MSRA: variants seen among roughly 807,000 people sequenced by gnomAD.
The protein encoded by MSRA is methionine sulfoxide reductase A.
A neutral mutation model predicts 31.3 loss-of-function variants in MSRA; 54 were observed. The ratio of observed to expected loss-of-function variants is 1.73; its 90% CI spans 1.39 to 2.17. The LOEUF is 2.17. MSRA is among the 30% of genes most tolerant of loss of function. The pLI is 0.00. For synonymous variants in MSRA, 169 were observed against 116.5 expected (o/e 1.45, Z -2.90); for missense variants, 507 against 300.9 (o/e 1.69, Z -5.07).
chr8:10,345,519 A>G (rs1370365526), intron 5 of MSRA, among the ~76,000 whole-genome samples: 1 of 152,194 alleles, frequency 6.6e-6, no homozygotes, highest in Non-Finnish European at 1.5e-5. Context: ...CTTCTGTTTC[A>G]TCTTCCACAC....
intron 1 of MSRA, among the ~76,000 whole-genome samples, chr8:10,107,303 T>A (rs1168339391): frequency 2.6e-5 from 4 of 152,056 alleles, no homozygotes; most frequent in African/African-American, 9.7e-5. Context: ...TATAGCACTC[T>A]GAAAAATAAA....
rs1003471193 is a variant in MSRA, at chr8:10,157,650, C to A, written c.143-50183C>A. ...CTCTAAAATAATAATAATAATAGTTCTTTAATATCAAATATGAGAGTCAGA... is the reference window on the plus strand; with the variant it reads ...CTCTAAAATAATAATAATAATAGTTATTTAATATCAAATATGAGAGTCAGA... On this transcript the variant is annotated intron_variant, in intron 1 of 5. Transcript: ENST00000317173. Among the ~76,000 whole-genome samples, 3 of 152,056 alleles carry A rather than the reference C, an allele frequency of 2.0e-5. No individual in the cohort carries two copies. In the South Asian group the frequency reaches 6.3e-4, roughly 32 times the overall value.
intron 3 of MSRA, among the ~76,000 whole-genome samples, chr8:10,285,270 C>T (rs1189285137): frequency 6.6e-6 from 1 of 152,164 alleles, no homozygotes; most frequent in African/African-American, 2.4e-5. Context: ...GTCTTGCCTG[C>T]ATTTAATTTG....
At chr8:10,391,247 T>A (rs1462115842) in intron 5 of MSRA, among the ~76,000 whole-genome samples, 2 of 152,210 alleles carry the variant, frequency 1.3e-5, no homozygotes, top group African/African-American at 2.4e-5. Context: ...AAAAGAGGTT[T>A]ATTTCTCATT....
intron 1 of MSRA, among the ~76,000 whole-genome samples, chr8:10,155,255 A>G (rs1439050577): frequency 1.3e-5 from 2 of 152,158 alleles, no homozygotes; most frequent in Non-Finnish European, 2.9e-5. Flanking sequence ...GAGAGAGTAA[A>G]TGAGCAACTA....
In MSRA at chr8:10,265,585, T is replaced by G. The variant is rs927206380; in HGVS notation, c.331+20362T>G. 1.1e-4 allele frequency among the ~76,000 whole-genome samples: 17 copies of G among 152,326 alleles called. No individual in the cohort carries two copies. The South Asian group carries it at 3.5e-3, about 32-fold the overall frequency. ...CTGGCCTTTTCACTTTTCAGAGTTC[T>G]TTTAGAAACAGTTGAATTGGGCTGT... is the stretch of plus-strand genomic sequence containing the variant. On this transcript the variant is annotated intron_variant, in intron 3 of 5. Coordinates refer to ENST00000317173, the MANE Select transcript of MSRA (RefSeq NM_012331.5).
At chr8:10,224,915 G>A (rs1313948948) in intron 2 of MSRA, among the ~76,000 whole-genome samples, 1 of 152,254 alleles carries the variant, frequency 6.6e-6, no homozygotes, top group South Asian at 2.1e-4. Context: ...ACTTTGGGAG[G>A]ATCACCTGAG....
chr8:10,084,617 C>G (rs533929479), intron 1 of MSRA, among the ~76,000 whole-genome samples: 38 of 152,144 alleles, frequency 2.5e-4, no homozygotes, highest in Admixed American at 2.4e-3. Context: ...TAGTTAAGGT[C>G]TCTGTGCCTT....
intron 3 of MSRA, among the ~76,000 whole-genome samples, chr8:10,278,061 G>A (rs2004677): frequency 6.6e-6 from 1 of 151,776 alleles, no homozygotes; most frequent in Non-Finnish European, 1.5e-5. Flanking sequence ...GTCGATGCTC[G>A]CTGTCTTGTT....
chr8:10,148,344 T>C (rs1310852770), intron 1 of MSRA, among the ~76,000 whole-genome samples: 2 of 151,802 alleles, frequency 1.3e-5, no homozygotes, highest in Non-Finnish European at 2.9e-5. Flanking sequence ...ATGTTGTTTT[T>C]AAAATTAGGA....
At chr8:10,186,370 T>C (rs916007727) in intron 1 of MSRA, among the ~76,000 whole-genome samples, 1 of 152,308 alleles carries the variant, frequency 6.6e-6, no homozygotes, top group Non-Finnish European at 1.5e-5. Flanking sequence ...ATGGACAGTA[T>C]ATAAATGAAT....
At chr8:10,266,089 A>G (rs774614538) in intron 3 of MSRA, among the ~76,000 whole-genome samples, 6 of 152,136 alleles carry the variant, frequency 3.9e-5, no homozygotes, top group Non-Finnish European at 5.9e-5. Context: ...GTGTCATTTC[A>G]TTTCTCTTAC....
At chr8:10,314,025 A>G (rs1288837646) in intron 4 of MSRA, among the ~76,000 whole-genome samples, 1 of 152,214 alleles carries the variant, frequency 6.6e-6, no homozygotes, top group Admixed American at 6.5e-5. Context: ...GATTGAATAC[A>G]TAAATGTCAA....
At chr8:10,214,774 A>G (rs935252777) in intron 2 of MSRA, among the ~76,000 whole-genome samples, 1 of 152,212 alleles carries the variant, frequency 6.6e-6, no homozygotes, top group Non-Finnish European at 1.5e-5. Flanking sequence ...TCCCTGGGTA[A>G]TTTGAAGCAA....
chr8:10,151,542 C>T (rs1034666045), intron 1 of MSRA, among the ~76,000 whole-genome samples: 4 of 151,956 alleles, frequency 2.6e-5, no homozygotes, highest in African/African-American at 7.3e-5. Context: ...CCCAGCTACT[C>T]GGGAGGCTGA....
chr8:10,331,718 A>C (rs1412997873), intron 5 of MSRA, among the ~76,000 whole-genome samples: 2 of 152,204 alleles, frequency 1.3e-5, no homozygotes, highest in Non-Finnish European at 2.9e-5. Flanking sequence ...AAATCTGATG[A>C]TGCTTAATCC....
At position 10,158,817 on chromosome 8, in the gene MSRA, T is replaced by G. The variant is rs560328255; in HGVS notation, c.143-49016T>G. Among the ~76,000 whole-genome samples, 20 of 152,378 alleles carry G rather than the reference T, an allele frequency of 1.3e-4. No individual in the cohort carries two copies. The South Asian group carries it at 3.5e-3, about 27-fold the overall frequency. ...TTTGAGGAACTTCCACACTGTTTTCTAAAGTAGGTGTGCTATTTTTCAGTC... is the reference window on the plus strand; with the variant it reads ...TTTGAGGAACTTCCACACTGTTTTCGAAAGTAGGTGTGCTATTTTTCAGTC... On this transcript the variant is annotated intron_variant, in intron 1 of 5. Transcript: ENST00000317173.
chr8:10,334,170 GTGTGTGTGTGTGTATTTA>G (rs1202309536), intron 5 of MSRA, among the ~76,000 whole-genome samples: 96 of 110,024 alleles, frequency 8.7e-4, no homozygotes, highest in Non-Finnish European at 1.5e-3. Flanking sequence ...ATAGGGGTGT[GTGTGTGTGTGTGTATTTA>G]TGTGTGTGTG....
intron 3 of MSRA, among the ~76,000 whole-genome samples, chr8:10,255,348 C>T (rs1798121463): frequency 6.6e-6 from 1 of 152,224 alleles, no homozygotes; most frequent in Non-Finnish European, 1.5e-5. Flanking sequence ...CCTGGCGGGC[C>T]AGGAGCCCCA....
Sources: allele counts gnomAD v4.1 joint callset (sites outside exome capture counted in the v4.1 genomes callset), GRCh38; gene constraint gnomAD v4.1.1; transcripts MANE v1.5; gene names NCBI Gene and HGNC (gene_info 2026-07-23, HGNC 2026-07-21).